PSKH2: variants seen among roughly 807,000 people sequenced by gnomAD.
PSKH2 encodes the protein serine/threonine-protein kinase H2.
A neutral mutation model predicts 22.5 loss-of-function variants in PSKH2; 16 were observed. That is an observed-to-expected ratio of 0.71 (90% CI 0.48 to 1.08). PSKH2 has a LOEUF of 1.08. Among genes scored for constraint, PSKH2 ranks in the 50% least tolerant of loss-of-function variants. PSKH2 has a pLI of 0.00. For synonymous variants in PSKH2, 188 were observed against 184.8 expected (o/e 1.02, Z -0.14); for missense variants, 516 against 492.8 (o/e 1.05, Z -0.44).
Position 86,048,770 on chromosome 8 carries a change from G to A in PSKH2, c.853-3C>T. On this transcript the variant is annotated splice_region_variant and splice_polypyrimidine_tract_variant and intron_variant, in intron 2 of 2. Coordinates refer to ENST00000276616, the MANE Select transcript of PSKH2 (RefSeq NM_033126.3). Reference sequence around the variant, plus strand: ...AAGTGGGAAATGCTTGGCCAAGGCTGAGAATAAAAATAAATAAGTTAGAAT... The same window carrying A: ...AAGTGGGAAATGCTTGGCCAAGGCTAAGAATAAAAATAAATAAGTTAGAAT... 1 of 1,591,756 alleles carries A rather than the reference G, an allele frequency of 6.3e-7. No individual in the cohort carries two copies. Among genetic ancestry groups the A allele is most frequent in the South Asian group, 1.1e-5 (1 of 88,826 alleles).
At chr8:86,068,897 T>C (rs1324722060) in intron 1 of PSKH2, among the ~76,000 whole-genome samples, 1 of 152,122 alleles carries the variant, frequency 6.6e-6, no homozygotes, top group Non-Finnish European at 1.5e-5. Context: ...CTGCTCTCTT[T>C]TTTCCCATCC....
chr8:86,052,880 G>A (rs960116885), intron 2 of PSKH2, among the ~76,000 whole-genome samples: 2 of 151,780 alleles, frequency 1.3e-5, no homozygotes, highest in Non-Finnish European at 2.9e-5. Context: ...TTCTTCCTCT[G>A]GTTCTTTGCC....
chr8:86,055,980 C>CTG (rs55968832), intron 2 of PSKH2, among the ~76,000 whole-genome samples: 43,928 of 149,880 alleles, frequency 0.29, 7,325 homozygotes, highest in East Asian at 0.49. Flanking sequence ...ATGTGTGTGT[C>CTG]TGTGTGTGTG....
chr8:86,052,326 C>T (rs1367181764), intron 2 of PSKH2, among the ~76,000 whole-genome samples: 2 of 152,120 alleles, frequency 1.3e-5, no homozygotes, highest in Non-Finnish European at 1.5e-5. Flanking sequence ...TGGCGTTTCT[C>T]GACAGTCTCA....
chr8:86,060,537 T>C (rs1586062984), intron 2 of PSKH2, among the ~76,000 whole-genome samples: 1 of 152,214 alleles, frequency 6.6e-6, no homozygotes, highest in Non-Finnish European at 1.5e-5. Flanking sequence ...CTTGGTATTA[T>C]GGACTGAATA....
At position 86,047,471 on chromosome 8, in the gene PSKH2, A is replaced by G. The variant is rs1817542957; in HGVS notation, c.*991T>C. On this transcript the variant is annotated 3_prime_UTR_variant, in exon 3 of 3. Coordinates refer to ENST00000276616, the MANE Select transcript of PSKH2 (RefSeq NM_033126.3). ...AAGTTACAGTAAATGTCATTCTAAC[A>G]TTTTATTATTTTTCTGAATAAAATA... is the stretch of plus-strand genomic sequence containing the variant. 6.6e-6 allele frequency among the ~76,000 whole-genome samples: 1 copy of G among 152,170 alleles called. No individual in the cohort carries two copies. The highest frequency in any genetic ancestry group is 2.4e-5 in the African/African-American group (1 of 41,468).
intron 1 of PSKH2, among the ~76,000 whole-genome samples, chr8:86,068,510 T>C (rs1171112690): frequency 6.6e-6 from 1 of 152,236 alleles, no homozygotes; most frequent in Non-Finnish European, 1.5e-5. Context: ...TACCATGCAC[T>C]GTGCAGCATA....
At chr8:86,061,671 T>C (rs905693487) in intron 2 of PSKH2, among the ~76,000 whole-genome samples, 5 of 151,924 alleles carry the variant, frequency 3.3e-5, no homozygotes, top group East Asian at 1.9e-4. Context: ...CAGAGATGCA[T>C]AGAAAGAATG....
chr8:86,061,596 ATGTAAGAAATCTG>A (rs1376439347), intron 2 of PSKH2, among the ~76,000 whole-genome samples: 3 of 152,154 alleles, frequency 2.0e-5, no homozygotes, highest in African/African-American at 7.2e-5. Flanking sequence ...CTCAGCTGTC[ATGTAAGAAATCTG>A]GCTGCCCTGC....
chr8:86,058,422 T>C (rs1459332208), intron 2 of PSKH2, among the ~76,000 whole-genome samples: 1 of 152,244 alleles, frequency 6.6e-6, no homozygotes, highest in Non-Finnish European at 1.5e-5. Flanking sequence ...TCAGAAATTC[T>C]ATGCTGTGTT....
chr8:86,069,759 G>A (rs946599955), upstream of PSKH2: 8 of 1,001,602 alleles, frequency 8.0e-6, no homozygotes, highest in African/African-American at 3.4e-5. Flanking sequence ...CGTGGTCAGG[G>A]AGACAGCCCC....
chr8:86,065,573 C>T (rs1275638931), intron 1 of PSKH2, among the ~76,000 whole-genome samples: 1 of 152,062 alleles, frequency 6.6e-6, no homozygotes, highest in Non-Finnish European at 1.5e-5. Flanking sequence ...GCACATGTAC[C>T]CCTGAACTTA....
chr8:86,049,930 G>A (rs1163719701), intron 2 of PSKH2, among the ~76,000 whole-genome samples: 1 of 151,980 alleles, frequency 6.6e-6, no homozygotes, highest in Non-Finnish European at 1.5e-5. Flanking sequence ...AACACACTGG[G>A]CCCTCACTGT....
chr8:86,049,006 C>T (rs1454559666), intron 2 of PSKH2, among the ~76,000 whole-genome samples: 2 of 152,112 alleles, frequency 1.3e-5, no homozygotes. Context: ...AATTCTCTTC[C>T]AAACTCTTTG....
Position 86,064,132 on chromosome 8 carries a change from T to C in PSKH2, c.685A>G (p.Ile229Val), listed in dbSNP as rs1277116195. 3.1e-6 allele frequency: 5 copies of C among 1,614,162 alleles called. No homozygotes were observed. Among genetic ancestry groups the C allele is most frequent in the Non-Finnish European group, 4.2e-6 (5 of 1,180,034 alleles). Residue 229 changes from isoleucine to valine, a missense_variant, in exon 2 of 3, where the codon ATA (isoleucine) becomes GTA (valine). By Grantham distance (29) the Ile-to-Val change is conservative (BLOSUM62 3). Transcript: ENST00000276616. ...TTCCTTAGCAAAACCTCAGGAGCTA[T>C]GTACTCTGGGGTCCCACAGAGTGTC... ...MKTLCGTPEY[I>V]APEVLLRKPY...
At position 86,048,326 on chromosome 8, in the gene PSKH2, A is replaced by C; in HGVS notation, c.*136T>G. On this transcript the variant is annotated 3_prime_UTR_variant, in exon 3 of 3. Coordinates refer to ENST00000276616, the MANE Select transcript of PSKH2 (RefSeq NM_033126.3). ...AATACAGGTATAGGAAAAATTATAG[A>C]ACAAGAAAATGTTAAAAGTCAAGAT... 1.5e-6 allele frequency: 1 copy of C among 663,526 alleles called. No individual in the cohort carries two copies. The highest frequency in any genetic ancestry group is 2.5e-6 in the Non-Finnish European group (1 of 404,238). 41.1% of individuals were successfully genotyped at this position (663,526 alleles called of 1,614,324 possible).
Position 86,048,518 on chromosome 8 carries a change from T to C in PSKH2, c.1102A>G (p.Met368Val). 6.2e-7 allele frequency: 1 copy of C among 1,614,108 alleles called. No homozygotes were observed. Among genetic ancestry groups the C allele is most frequent in the Non-Finnish European group, 8.5e-7 (1 of 1,179,970 alleles). ...ATCCTTAAGTTTCTCTTGCTCCACA[T>C]ATGCCTGGATTTGTGAGAATAATGT... The part of the protein sequence containing the change: ...KSHYSHKSRH[M>V]WSKRNLRIVE... Residue 368 changes from methionine to valine, a missense_variant, in exon 3 of 3, where the codon ATG becomes GTG. Physicochemically the swap from Met to Val is conservative, Grantham distance 21 (BLOSUM62 1). Transcript: ENST00000276616.
intron 1 of PSKH2, 105 bp downstream of exon 1, chr8:86,069,333 C>T: frequency 9.3e-7 from 1 of 1,069,874 alleles, no homozygotes; most frequent in East Asian, 2.7e-5. Flanking sequence ...CCGAAAGAAC[C>T]CTGTCCAAAA....
chr8:86,068,798 G>A (rs13438947), intron 1 of PSKH2, among the ~76,000 whole-genome samples: 1 of 152,080 alleles, frequency 6.6e-6, no homozygotes, highest in Non-Finnish European at 1.5e-5. Flanking sequence ...GTCTTCCACC[G>A]CAGATGCTGG....
Sources: allele counts gnomAD v4.1 joint callset (sites outside exome capture counted in the v4.1 genomes callset), GRCh38; gene constraint gnomAD v4.1.1; transcripts MANE v1.5; gene names NCBI Gene and HGNC (gene_info 2026-07-23, HGNC 2026-07-21).